The following MLLT10 variants were observed in gnomAD, a reference collection of about 807,000 sequenced individuals.
The protein encoded by MLLT10 is protein AF-10.
MLLT10 carries 30 observed loss-of-function variants against 129.1 expected under a neutral mutation model. That is an observed-to-expected ratio of 0.23 (90% CI 0.17 to 0.32). MLLT10 has a LOEUF of 0.32. Among genes scored for constraint, MLLT10 ranks in the 10% least tolerant of loss-of-function variants. MLLT10 has a pLI of 1.00. For synonymous variants in MLLT10, 490 were observed against 446.4 expected, an observed-to-expected ratio of 1.10 and a Z score of -1.23; for missense variants, 1,119 against 1,268.3, an observed-to-expected ratio of 0.88 and a Z score of 1.79.
intron 13 of MLLT10, among the ~76,000 whole-genome samples, chr10:21,711,488 T>C (rs1354387430): frequency 1.3e-5 from 2 of 150,278 alleles, no homozygotes; most frequent in African/African-American, 4.9e-5. Context: ...TTTGGGAGGT[T>C]GAGGTGGGAG....
rs2051742967 is a variant in MLLT10 at position 21,673,602 on chromosome 10, A to G, written c.1304A>G (p.Asn435Ser). ...ACTTCACAGCCTAAAAGCTTTGAAA[A>G]TTCACCTGGAGATTTGGGTAATTCC... ...AVTSQPKSFE[N>S]SPGDLGNSSL... is the part of the protein sequence containing the mutation. The change falls in exon 11 of 23, where the codon AAT (asparagine) becomes AGT (serine). Residue 435 changes from asparagine (N) to serine (S), a missense_variant. Physicochemically the swap from Asn to Ser is conservative, Grantham distance 46. Around this residue, in one of 5 missense-constraint regions of MLLT10, gnomAD observed 1,004 missense variants for 1,008.7 expected, o/e 1.00. Coordinates refer to ENST00000307729, the MANE Select transcript of MLLT10 (RefSeq NM_001195626.3). 6.2e-7 allele frequency: 1 copy of G among 1,613,296 alleles called. No individual in the cohort carries two copies. Among genetic ancestry groups the G allele is most frequent in the Admixed American group, 1.7e-5 (1 of 59,818 alleles).
At chr10:21,654,185 G>C (rs2131330036) in intron 9 of MLLT10, among the ~76,000 whole-genome samples, 1 of 152,306 alleles carries the variant, frequency 6.6e-6, no homozygotes, top group South Asian at 2.1e-4. Context: ...TTTATAGAGA[G>C]AATGGGGGAG....
At chr10:21,724,515 C>G (rs1301060886) in intron 14 of MLLT10, among the ~76,000 whole-genome samples, 4 of 152,146 alleles carry the variant, frequency 2.6e-5, no homozygotes. Flanking sequence ...TAGTTCTTTG[C>G]CGATATTTTC....
chr10:21,678,467 G>C (rs1277177873), intron 11 of MLLT10, among the ~76,000 whole-genome samples: 1 of 152,128 alleles, frequency 6.6e-6, no homozygotes, highest in African/African-American at 2.4e-5. Context: ...TATTAAGTTG[G>C]AAAAGATCAT....
rs2043983275 is a variant in MLLT10, at chr10:21,605,602, G to A, written c.406-6746G>A. Among the ~76,000 whole-genome samples, 3 of 152,060 alleles carry A rather than the reference G, an allele frequency of 2.0e-5. No individual in the cohort carries two copies. In the Middle Eastern group the frequency reaches 0.01, roughly 517 times the overall value. On this transcript the variant is annotated intron_variant, in intron 5 of 22. Transcript: ENST00000307729. ...AGGGACTACAGCCATATGCCATCATGCCTAAGTTTTTTATTGTTTATAGTG... is the reference window on the plus strand; with the variant it reads ...AGGGACTACAGCCATATGCCATCATACCTAAGTTTTTTATTGTTTATAGTG...
intron 8 of MLLT10, among the ~76,000 whole-genome samples, chr10:21,634,719 T>C (rs2047303280): frequency 6.6e-6 from 1 of 152,226 alleles, no homozygotes. Context: ...CATCTGTCCA[T>C]CCAAACATCC....
intron 2 of MLLT10, among the ~76,000 whole-genome samples, chr10:21,535,175 C>T (rs1318341165): frequency 6.6e-6 from 1 of 151,284 alleles, no homozygotes; most frequent in Non-Finnish European, 1.5e-5. Context: ...GTTCCCGGGG[C>T]CACGGGGGTG....
chr10:21,565,945 CTT>C (rs1204388391), intron 3 of MLLT10, among the ~76,000 whole-genome samples: 471 of 79,256 alleles, frequency 5.9e-3, no homozygotes, highest in African/African-American at 0.025. Context: ...CAATCTTTGG[CTT>C]TTTTTTTTTT....
Position 21,743,239 on chromosome 10 carries a change from T to C in MLLT10, c.*1256T>C, listed in dbSNP as rs2131605523. On this transcript the variant is annotated 3_prime_UTR_variant, in exon 23 of 23. Coordinates refer to ENST00000307729, the MANE Select transcript of MLLT10 (RefSeq NM_001195626.3). Reference sequence around the variant, plus strand: ...CACTGTGTACTTAGCTGGAAGAACATGTTAATTCTGCAATATGTTTCTTGG... The same window carrying C: ...CACTGTGTACTTAGCTGGAAGAACACGTTAATTCTGCAATATGTTTCTTGG... 4.4e-6 allele frequency: 1 copy of C among 228,154 alleles called. No individual in the cohort carries two copies. The highest frequency in any genetic ancestry group is 5.7e-5 in the Admixed American group (1 of 17,602). 14.1% of individuals were successfully genotyped at this position (228,154 alleles called of 1,614,324 possible). A position where few individuals can be genotyped will look rare whatever the true frequency, so the allele number is the denominator to read the frequency against.
intron 3 of MLLT10, among the ~76,000 whole-genome samples, chr10:21,571,276 C>T (rs1172868238): frequency 6.6e-6 from 1 of 152,180 alleles, no homozygotes; most frequent in Non-Finnish European, 1.5e-5. Flanking sequence ...ATTTGTCATT[C>T]AACCAAAAGT....
chr10:21,726,244 G>C lies in MLLT10; in HGVS notation c.1879G>C (p.Ala627Pro). The C allele has an allele frequency of 1.3e-6, 2 of 1,584,134 alleles. No homozygotes were observed. The highest frequency in any genetic ancestry group is 2.3e-5 in the South Asian group (2 of 87,200). ...SAAPAVATTQ[A>P]NTLSGSSLSQ... ...TATCATTGTAATTTTTTCCATTTAG[G>C]CAAATACTCTATCTGGATCTTCTCT... Residue 627 changes from alanine (A) to proline (P), a missense_variant and splice_region_variant, in exon 15 of 23, where the codon GCA becomes CCA. By Grantham distance (27) the Ala-to-Pro change is conservative. Transcript: ENST00000307729.
At chr10:21,570,091 T>C (rs1349775930) in intron 3 of MLLT10, among the ~76,000 whole-genome samples, 1 of 151,512 alleles carries the variant, frequency 6.6e-6, no homozygotes, top group Non-Finnish European at 1.5e-5. Flanking sequence ...GTATTTTCAG[T>C]AGAGATGGGG....
At chr10:21,539,371 A>G (rs1284924597) in intron 3 of MLLT10, among the ~76,000 whole-genome samples, 1 of 145,588 alleles carries the variant, frequency 6.9e-6, no homozygotes, top group Admixed American at 6.8e-5. Context: ...ACACTCACTG[A>G]TTTCAGGCAT....
At chr10:21,564,073 A>G (rs1363103369) in intron 3 of MLLT10, among the ~76,000 whole-genome samples, 1 of 151,970 alleles carries the variant, frequency 6.6e-6, no homozygotes, top group African/African-American at 2.4e-5. Context: ...TGGCCTCCCA[A>G]AGTGCCGGGA....
At chr10:21,597,073 A>G (rs1021570421) in intron 5 of MLLT10, among the ~76,000 whole-genome samples, 101 of 150,502 alleles carry the variant, frequency 6.7e-4, no homozygotes, top group African/African-American at 2.3e-3. Flanking sequence ...TTTCTTTTTA[A>G]TTTTAAAAGC....
intron 3 of MLLT10, among the ~76,000 whole-genome samples, chr10:21,581,212 A>AT (rs1304661565): frequency 6.7e-6 from 1 of 148,414 alleles, no homozygotes; most frequent in East Asian, 2.0e-4. Context: ...CACCTGGCTT[A>AT]TTTTTTTTGT....
chr10:21,573,016 G>A (rs2040373606), intron 3 of MLLT10, among the ~76,000 whole-genome samples: 1 of 151,626 alleles, frequency 6.6e-6, no homozygotes, highest in Non-Finnish European at 1.5e-5. Context: ...ATTTTTTGTT[G>A]GAAATAGAAT....
chr10:21,629,848 A>G (rs1292622223), intron 8 of MLLT10, among the ~76,000 whole-genome samples: 1 of 152,204 alleles, frequency 6.6e-6, no homozygotes, highest in African/African-American at 2.4e-5. Flanking sequence ...GTATAGTCCC[A>G]GCTGCTGGAG....
At chr10:21,593,232 C>CT (rs2042684535) in intron 4 of MLLT10, among the ~76,000 whole-genome samples, 1 of 151,982 alleles carries the variant, frequency 6.6e-6, no homozygotes, top group African/African-American at 2.4e-5. Flanking sequence ...GTAGCTGGGA[C>CT]TATAGGTGCA....
Sources: allele counts gnomAD v4.1 joint callset (sites outside exome capture counted in the v4.1 genomes callset), GRCh38; gene constraint gnomAD v4.1.1; regional missense constraint gnomAD v4.1.1; transcripts MANE v1.5; gene names NCBI Gene and HGNC (gene_info 2026-07-23, HGNC 2026-07-21).